TPRG1: variants seen among roughly 807,000 people sequenced by gnomAD.
TPRG1 encodes the protein tumor protein p63 regulated 1, also known as tumor protein p63-regulated gene 1 protein.
A neutral mutation model predicts 29.3 loss-of-function variants in TPRG1; 29 were observed. That is an observed-to-expected ratio of 0.99 (90% CI 0.74 to 1.35). The LOEUF (loss-of-function observed/expected upper bound fraction) is 1.35. TPRG1 is among the 40% of genes most tolerant of loss of function. The pLI is 0.00. For missense variants in TPRG1, 327 were observed against 335.0 expected (o/e 0.98, Z 0.19); for synonymous variants, 130 against 116.8 (o/e 1.11, Z -0.73).
chr3:189,038,787 T>C (rs1163210203), intron 4 of TPRG1, among the ~76,000 whole-genome samples: 1 of 53,964 alleles, frequency 1.9e-5, no homozygotes, highest in African/African-American at 5.8e-5. Flanking sequence ...GAAAAGAGAG[T>C]AATTGGCAAA....
chr3:189,211,714 A>G (rs2108823118), intron 2 of TPRG1: 1 of 152,252 alleles, frequency 6.6e-6, no homozygotes, highest in East Asian at 1.9e-4. Flanking sequence ...ATGAGGTATG[A>G]CTTGGTGCCA....
rs180864296 is a variant in TPRG1 at position 189,183,202 on chromosome 3, C to T, written c.-10+11071C>T. 5.6e-3 allele frequency among the ~76,000 whole-genome samples: 858 copies of T among 152,144 alleles called. 4 individuals carry two copies. The highest frequency in any genetic ancestry group is 0.01 in the Middle Eastern group (3 of 294). On this transcript the variant is annotated intron_variant, in intron 1 of 5. Transcript: ENST00000345063. ...GGCGTCCGGGGGAGACATCACATGT[C>T]GGTAGGTTCCATGATGCCCCGCAAG...
chr3:189,098,181 G>A (rs1560442323), upstream of TPRG1, among the ~76,000 whole-genome samples: 3 of 152,068 alleles, frequency 2.0e-5, no homozygotes, highest in Admixed American at 6.5e-5. Context: ...AGCCGGGTAG[G>A]GAAAGTACTA....
rs1262141631 is a variant in TPRG1, at chr3:189,321,565, T to C, written c.*745T>C. ...ATTGTTCATGTATTCCTCCTTTCCA[T>C]TCTTATAGCTGTATTATTAGATCAG... On this transcript the variant is annotated 3_prime_UTR_variant, in exon 6 of 6. Coordinates refer to ENST00000345063, the MANE Select transcript of TPRG1 (RefSeq NM_198485.4). 1 of 152,076 alleles carries C rather than the reference T, an allele frequency of 6.6e-6. No individual in the cohort carries two copies. The highest frequency in any genetic ancestry group is 2.4e-5 in the African/African-American group (1 of 41,414). 9.4% of individuals were successfully genotyped at this position (152,076 alleles called of 1,614,324 possible).
intron 5 of TPRG1, among the ~76,000 whole-genome samples, chr3:189,318,538 A>T (rs945210568): frequency 6.6e-6 from 1 of 152,164 alleles, no homozygotes; most frequent in African/African-American, 2.4e-5. Context: ...ATTTTCATTT[A>T]AAAAGAAGTA....
At chr3:189,307,864 C>T (rs924382630) in intron 4 of TPRG1, among the ~76,000 whole-genome samples, 27 of 152,136 alleles carry the variant, frequency 1.8e-4, no homozygotes, top group Admixed American at 1.1e-3. Flanking sequence ...TGTGCTTTTC[C>T]ATGTTTGTAA....
At chr3:189,023,769 G>T (rs1713507340) in exon 4 of TPRG1, 1 of 152,436 alleles carries the variant, frequency 6.6e-6, no homozygotes, top group Non-Finnish European at 1.5e-5. Context: ...AGTTTGCGGG[G>T]TTCTTCTCCA....
chr3:189,113,431 G>A (rs1335218414), intron 1 of TPRG1, among the ~76,000 whole-genome samples: 1 of 152,104 alleles, frequency 6.6e-6, no homozygotes, highest in Non-Finnish European at 1.5e-5. Flanking sequence ...GGAGTGGTGA[G>A]ACAGGGCATC....
At chr3:189,265,233 G>T (rs1713854012) in intron 4 of TPRG1, among the ~76,000 whole-genome samples, 1 of 152,144 alleles carries the variant, frequency 6.6e-6, no homozygotes, top group Non-Finnish European at 1.5e-5. Flanking sequence ...TTGTGGAACT[G>T]GTAGTAAAGG....
chr3:189,320,791 T>G lies in TPRG1; in HGVS notation c.799T>G (p.Ser267Ala). The G allele has an allele frequency of 6.2e-7, 1 of 1,605,362 alleles. No individual in the cohort carries two copies. The highest frequency in any genetic ancestry group is 8.5e-7 in the Non-Finnish European group (1 of 1,176,138). The change falls in exon 6 of 6, where the codon TCC becomes GCC. Residue 267 changes from serine to alanine, a missense_variant. By Grantham distance (99) the Ser-to-Ala change is moderately conservative. Transcript: ENST00000345063. ...FIGNRNKLGY[S>A]LARGSIGF ...TGGAAACCGCAACAAACTTGGCTAT[T>G]CCCTTGCCCGTGGGAGTATTGGTTT... is the stretch of plus-strand genomic sequence containing the variant.
intron 1 of TPRG1, among the ~76,000 whole-genome samples, chr3:189,205,801 A>G (rs370743966): frequency 1.5e-3 from 226 of 152,350 alleles, no homozygotes; most frequent in African/African-American, 5.3e-3. Context: ...CAAAATAGAA[A>G]CCAAGATATT....
intron 3 of TPRG1, among the ~76,000 whole-genome samples, chr3:189,017,679 G>A (rs1230455945): frequency 7.2e-5 from 11 of 152,062 alleles, no homozygotes; most frequent in Non-Finnish European, 1.5e-4. Flanking sequence ...GAATAGTGCC[G>A]CTATAAACAT....
At chr3:189,239,674 G>C (rs900324472) in intron 4 of TPRG1, among the ~76,000 whole-genome samples, 3 of 152,168 alleles carry the variant, frequency 2.0e-5, no homozygotes, top group Non-Finnish European at 4.4e-5. Flanking sequence ...TAGCTAAAAA[G>C]AGTAATGCCT....
At chr3:189,115,045 A>G (rs1721008546) in intron 1 of TPRG1, among the ~76,000 whole-genome samples, 1 of 152,198 alleles carries the variant, frequency 6.6e-6, no homozygotes, top group Non-Finnish European at 1.5e-5. Flanking sequence ...CCCCCTGTTG[A>G]AGAGACTTGA....
Position 189,201,707 on chromosome 3 carries a change from T to C in TPRG1, c.-9-5669T>C, listed in dbSNP as rs372301805. On this transcript the variant is annotated intron_variant, in intron 1 of 5. Transcript: ENST00000345063. ...CCATTTCACCCAGGCTGGAGTGCAG[T>C]AGTGTGATCTCAGCTCACTGCAACC... 6.6e-5 allele frequency among the ~76,000 whole-genome samples: 10 copies of C among 152,204 alleles called. No individual in the cohort carries two copies. The East Asian group carries it at 1.9e-3, about 29-fold the overall frequency.
intron 4 of TPRG1, among the ~76,000 whole-genome samples, chr3:189,065,344 C>T (rs1034646675): frequency 6.6e-6 from 1 of 151,924 alleles, no homozygotes; most frequent in African/African-American, 2.4e-5. Flanking sequence ...ACTCTGATAC[C>T]AATACCAAAC....
intron 4 of TPRG1, among the ~76,000 whole-genome samples, chr3:189,306,140 C>T (rs1044633175): frequency 1.1e-4 from 17 of 152,068 alleles, no homozygotes; most frequent in African/African-American, 4.1e-4. Context: ...TCTCTATACC[C>T]TGCATAGAGA....
intron 4 of TPRG1, among the ~76,000 whole-genome samples, chr3:189,043,892 T>A (rs991947943): frequency 6.6e-6 from 1 of 152,150 alleles, no homozygotes; most frequent in Non-Finnish European, 1.5e-5. Flanking sequence ...CTCGAGACGA[T>A]GAGGTCTATG....
At chr3:189,181,270 G>A (rs1482349921) in intron 1 of TPRG1, among the ~76,000 whole-genome samples, 2 of 152,166 alleles carry the variant, frequency 1.3e-5, no homozygotes, top group African/African-American at 4.8e-5. Flanking sequence ...TTGGCTTCCC[G>A]TTACTTATCC....
Sources: allele counts gnomAD v4.1 joint callset (sites outside exome capture counted in the v4.1 genomes callset), GRCh38; gene constraint gnomAD v4.1.1; transcripts MANE v1.5; gene names NCBI Gene and HGNC (gene_info 2026-07-23, HGNC 2026-07-21).